LYRM4: variants seen among roughly 807,000 people sequenced by gnomAD.
The protein encoded by LYRM4 is LYR motif containing 4, also known as LYR motif-containing protein 4.
A neutral mutation model predicts 11.7 loss-of-function variants in LYRM4; 9 were observed. That is an observed-to-expected ratio of 0.77 (90% CI 0.46 to 1.34). LYRM4 has a LOEUF of 1.34. Ranked by LOEUF, LYRM4 falls within the 40% of genes most tolerant of loss-of-function variation. The pLI, the probability that LYRM4 is intolerant of heterozygous loss-of-function variation, is 0.00. For missense variants in LYRM4, 133 were observed against 112.5 expected (o/e 1.18, Z -0.82); for synonymous variants, 42 against 40.4 (o/e 1.04, Z -0.15).
intron 2 of LYRM4, among the ~76,000 whole-genome samples, chr6:5,173,567 T>C (rs1759548030): frequency 6.6e-6 from 1 of 152,252 alleles, no homozygotes; most frequent in Non-Finnish European, 1.5e-5. Flanking sequence ...TTTCTATGAA[T>C]GATATCCTAC....
downstream of LYRM4, chr6:5,102,812 TGTCA>T (rs1463666880): frequency 1.3e-5 from 2 of 152,208 alleles, no homozygotes; most frequent in African/African-American, 4.8e-5. Flanking sequence ...GCTCTATTGG[TGTCA>T]GTCATTCTTG....
intron 2 of LYRM4, among the ~76,000 whole-genome samples, chr6:5,168,336 A>T (rs1759212230): frequency 6.6e-6 from 1 of 152,226 alleles, no homozygotes; most frequent in Admixed American, 6.5e-5. Flanking sequence ...ACAAGGAGAA[A>T]GAGAGATCTC....
At chr6:5,034,992 G>C in the LYRM4 span, among the ~76,000 whole-genome samples, 11 of 151,844 alleles carry the variant, frequency 7.2e-5, no homozygotes, top group African/African-American at 2.4e-4. Flanking sequence ...TACAAGAAAA[G>C]AGTTATGTGG....
downstream of LYRM4, chr6:5,106,913 C>G (rs1188648141): frequency 6.6e-6 from 1 of 152,272 alleles, no homozygotes; most frequent in Non-Finnish European, 1.5e-5. Flanking sequence ...TCAGTTGGTG[C>G]ATAGTCAAGG....
At chr6:5,225,175 G>T (rs544590177) in intron 1 of LYRM4, among the ~76,000 whole-genome samples, 17 of 150,350 alleles carry the variant, frequency 1.1e-4, no homozygotes, top group Non-Finnish European at 2.5e-4. Flanking sequence ...GTGAACCTGG[G>T]AGGCAGAGTT....
chr6:5,123,444 A>G (rs1282210605), intron 2 of LYRM4, among the ~76,000 whole-genome samples: 1 of 151,916 alleles, frequency 6.6e-6, no homozygotes, highest in Admixed American at 6.6e-5. Flanking sequence ...CTTCTGTAGG[A>G]CCCCCACATC....
intron 1 of LYRM4, among the ~76,000 whole-genome samples, chr6:5,258,342 A>G (rs1354740902): frequency 6.6e-6 from 1 of 152,264 alleles, no homozygotes; most frequent in Non-Finnish European, 1.5e-5. Flanking sequence ...ATTCAGCACT[A>G]CCTGTGTTAG....
At chr6:5,095,979 C>CA in the LYRM4 span, among the ~76,000 whole-genome samples, 2 of 151,776 alleles carry the variant, frequency 1.3e-5, no homozygotes, top group East Asian at 1.9e-4. Flanking sequence ...GTCTCCATCT[C>CA]AAAAAAACAA....
chr6:5,060,751 C>A, the LYRM4 span, among the ~76,000 whole-genome samples: 2 of 152,148 alleles, frequency 1.3e-5, 1 homozygote, highest in South Asian at 4.1e-4. Flanking sequence ...TGGTCTCGAA[C>A]TCCTGACCTC....
chr6:5,082,877 A>T, the LYRM4 span, among the ~76,000 whole-genome samples: 3 of 151,922 alleles, frequency 2.0e-5, no homozygotes, highest in African/African-American at 7.3e-5. Flanking sequence ...CCTCCAACAG[A>T]GCCTCTGCGT....
chr6:5,061,546 C>G, the LYRM4 span, among the ~76,000 whole-genome samples: 2 of 152,220 alleles, frequency 1.3e-5, no homozygotes, highest in Non-Finnish European at 2.9e-5. Flanking sequence ...ACCAGGCTTA[C>G]GCAGATCAAA....
intron 1 of LYRM4, among the ~76,000 whole-genome samples, chr6:5,222,721 G>T (rs907365872): frequency 4.2e-5 from 6 of 141,936 alleles, no homozygotes; most frequent in African/African-American, 1.6e-4. Flanking sequence ...AAAAAGTATA[G>T]AAGTTATATT....
intron 2 of LYRM4, among the ~76,000 whole-genome samples, chr6:5,143,966 A>G (rs1183682087): frequency 2.0e-5 from 3 of 152,244 alleles, no homozygotes; most frequent in Admixed American, 1.3e-4. Context: ...ATCTTCCACC[A>G]GCAGCTGAGC....
At chr6:5,125,319 C>T (rs1250775580) in intron 2 of LYRM4, among the ~76,000 whole-genome samples, 1 of 152,318 alleles carries the variant, frequency 6.6e-6, no homozygotes, top group African/African-American at 2.4e-5. Context: ...CTCTTCCAAT[C>T]AACTAGTCCT....
intron 1 of LYRM4, among the ~76,000 whole-genome samples, chr6:5,249,103 GTAAT>G (rs1232273352): frequency 6.6e-6 from 1 of 152,232 alleles, no homozygotes; most frequent in African/African-American, 2.4e-5. Flanking sequence ...CAACTATGTA[GTAAT>G]TAATTCATCT....
chr6:5,148,518 G>GGGGCGCAGA (rs1321881105), intron 2 of LYRM4, among the ~76,000 whole-genome samples: 22 of 54,364 alleles, frequency 4.0e-4, no homozygotes, highest in Non-Finnish European at 6.2e-4. Context: ...AGCTGGGCTG[G>GGGGCGCAGA]GTATACGCCT....
chr6:5,049,305 T>G, the LYRM4 span, among the ~76,000 whole-genome samples: 4 of 152,012 alleles, frequency 2.6e-5, no homozygotes, highest in African/African-American at 9.7e-5. Context: ...GGGCTCTCCA[T>G]TGGACTCTGA....
intron 2 of LYRM4, among the ~76,000 whole-genome samples, chr6:5,124,281 C>G (rs1763601182): frequency 6.6e-6 from 1 of 152,204 alleles, no homozygotes; most frequent in Non-Finnish European, 1.5e-5. Context: ...AACATGTCCA[C>G]TTTTCTCCTG....
intron 1 of LYRM4, among the ~76,000 whole-genome samples, chr6:5,224,461 A>G (rs1214894178): frequency 6.6e-6 from 1 of 152,224 alleles, no homozygotes; most frequent in African/African-American, 2.4e-5. Flanking sequence ...AGAAAACAGT[A>G]TACTAATGGA....
Sources: gnomAD v4.1 joint callset for allele counts (sites outside exome capture counted in the v4.1 genomes callset) on GRCh38, gnomAD v4.1.1 for gene constraint, MANE v1.5 for transcripts, NCBI Gene and HGNC (gene_info 2026-07-23, HGNC 2026-07-21) for gene names.